Variants in NEK1 observed in about 807,000 individuals in gnomAD.
The protein encoded by NEK1 is NIMA related kinase 1.
NEK1 carries 137 observed loss-of-function variants against 182.1 expected under a neutral mutation model. That is an observed-to-expected ratio of 0.75 (90% CI 0.65 to 0.87). The LOEUF (loss-of-function observed/expected upper bound fraction) is 0.87, where lower values mean the gene tolerates loss of function less well. Ranked by LOEUF, NEK1 falls within the 40% of genes least tolerant of loss-of-function variation. The pLI, the probability that NEK1 is intolerant of heterozygous loss-of-function variation, is 0.00. For missense variants in NEK1, 1,391 were observed against 1,494.4 expected, an observed-to-expected ratio of 0.93 and a Z score of 1.14; for synonymous variants, 513 against 492.2, an observed-to-expected ratio of 1.04 and a Z score of -0.56.
At chr4:169,514,268 G>A (rs1272925814) in intron 19 of NEK1, among the ~76,000 whole-genome samples, 3 of 152,104 alleles carry the variant, frequency 2.0e-5, no homozygotes, top group African/African-American at 4.8e-5. Flanking sequence ...GATTACAGGC[G>A]TGAGCCACCG....
At chr4:169,448,819 AGC>A (rs1429591834) in intron 27 of NEK1, among the ~76,000 whole-genome samples, 1 of 152,214 alleles carries the variant, frequency 6.6e-6, no homozygotes, top group Non-Finnish European at 1.5e-5. Flanking sequence ...CAGTGGGTGC[AGC>A]CCACGGAGGG....
At chr4:169,512,886 C>T (rs1269330187) in intron 19 of NEK1, among the ~76,000 whole-genome samples, 1 of 152,058 alleles carries the variant, frequency 6.6e-6, no homozygotes, top group African/African-American at 2.4e-5. Flanking sequence ...ATGTGTTTGT[C>T]AAGAATCAGT....
intron 18 of NEK1, among the ~76,000 whole-genome samples, chr4:169,553,079 C>G (rs970910037): frequency 6.6e-6 from 1 of 152,030 alleles, no homozygotes; most frequent in African/African-American, 2.4e-5. Context: ...TATTATAAAG[C>G]TTATATGGAA....
intron 26 of NEK1, among the ~76,000 whole-genome samples, chr4:169,468,708 T>C (rs1745374632): frequency 6.6e-6 from 1 of 152,190 alleles, no homozygotes; most frequent in African/African-American, 2.4e-5. Context: ...AGCTCCTCTG[T>C]ACCTCTGGTA....
chr4:169,410,677 G>T (rs12500692), intron 31 of NEK1, among the ~76,000 whole-genome samples: 39,028 of 152,046 alleles, frequency 0.26, 5,201 homozygotes, highest in South Asian at 0.34. Context: ...AAAAATTACG[G>T]ACATTATCTA....
intron 27 of NEK1, among the ~76,000 whole-genome samples, chr4:169,448,218 C>T (rs1486173933): frequency 6.6e-6 from 1 of 151,766 alleles, no homozygotes; most frequent in Non-Finnish European, 1.5e-5. Flanking sequence ...CAGAGTGAGT[C>T]CCTGTCTCAA....
intron 23 of NEK1, among the ~76,000 whole-genome samples, chr4:169,496,606 A>G (rs1580214174): frequency 1.3e-5 from 2 of 149,256 alleles, no homozygotes; most frequent in South Asian, 2.1e-4. Flanking sequence ...GAGAGTTTTT[A>G]GCATGAAGGG....
Position 169,599,164 on chromosome 4 carries a change from C to T in NEK1, c.248G>A (p.Cys83Tyr). The change falls in exon 5 of 36, where the codon TGT becomes TAT. Residue 83 changes from cysteine to tyrosine, a missense_variant. Around this residue, in one of 5 missense-constraint regions of NEK1, gnomAD observed 116 missense variants for 114.5 expected, o/e 1.01. Transcript: ENST00000507142. ...TCGCTTAAACAGATCCCCTCCCTCACAGTAATCCATTACTATGTAGAGAGA... is the reference window on the plus strand; with the variant it reads ...TCGCTTAAACAGATCCCCTCCCTCATAGTAATCCATTACTATGTAGAGAGA... Reference protein sequence around the residue: ...NGSLYIVMDYCEGGDLFKRIN... With the variant: ...NGSLYIVMDYYEGGDLFKRIN... 6.2e-7 allele frequency: 1 copy of T among 1,613,032 alleles called. No individual in the cohort carries two copies. Among genetic ancestry groups the T allele is most frequent in the South Asian group, 1.1e-5 (1 of 91,046 alleles).
chr4:169,583,443 G>A (rs1767017920), intron 10 of NEK1, among the ~76,000 whole-genome samples: 1 of 152,192 alleles, frequency 6.6e-6, no homozygotes, highest in Non-Finnish European at 1.5e-5. Context: ...TCTAAGTGGT[G>A]CTTAAATAGT....
At chr4:169,394,577 TA>T (rs917291288) in intron 35 of NEK1, 54 bp from the exon 36 acceptor site, 13 of 1,101,684 alleles carry the variant, frequency 1.2e-5, no homozygotes, top group African/African-American at 4.9e-5. Flanking sequence ...GTATCTACTT[TA>T]AAAAAAACCC....
intron 29 of NEK1, among the ~76,000 whole-genome samples, chr4:169,429,787 A>T (rs1737086641): frequency 6.6e-6 from 1 of 152,182 alleles, no homozygotes; most frequent in Non-Finnish European, 1.5e-5. Flanking sequence ...TTCTTCCTTC[A>T]TGAATAGCCT....
intron 20 of NEK1, 24 bp from the exon 21 acceptor site, chr4:169,508,355 C>T: frequency 6.6e-7 from 1 of 1,520,830 alleles, no homozygotes; most frequent in Non-Finnish European, 8.8e-7. Context: ...AAAACCCCAA[C>T]ATAATAATGT....
intron 26 of NEK1, 72 bp downstream of exon 26, chr4:169,477,052 T>A (rs1263188573): frequency 2.0e-6 from 2 of 995,050 alleles, no homozygotes; most frequent in African/African-American, 3.3e-5. Flanking sequence ...TTCATTTTTT[T>A]CAGAGTGGTT....
At chr4:169,399,795 T>C (rs79425786) in intron 35 of NEK1, among the ~76,000 whole-genome samples, 1 of 152,058 alleles carries the variant, frequency 6.6e-6, no homozygotes, top group Non-Finnish European at 1.5e-5. Flanking sequence ...TAATTAAAAA[T>C]TTTTTTGTGT....
chr4:169,470,324 T>C (rs1241470476), intron 26 of NEK1, among the ~76,000 whole-genome samples: 1 of 152,166 alleles, frequency 6.6e-6, no homozygotes. Flanking sequence ...GCAGGCCTGG[T>C]GGTAACAAAA....
chr4:169,606,801 A>G (rs974205439), intron 2 of NEK1, among the ~76,000 whole-genome samples: 1 of 152,210 alleles, frequency 6.6e-6, no homozygotes, highest in African/African-American at 2.4e-5. Context: ...TCACCTTCCA[A>G]AACAACTTAA....
intron 29 of NEK1, among the ~76,000 whole-genome samples, chr4:169,428,469 G>A (rs1736832150): frequency 6.6e-6 from 1 of 150,790 alleles, no homozygotes; most frequent in South Asian, 2.1e-4. Flanking sequence ...AAAGAAGCCA[G>A]AAACAAAAGG....
intron 23 of NEK1, among the ~76,000 whole-genome samples, chr4:169,501,058 G>A (rs1027867494): frequency 2.0e-5 from 3 of 152,178 alleles, no homozygotes; most frequent in Non-Finnish European, 4.4e-5. Flanking sequence ...AAGGGATGGA[G>A]AAAGATCACA....
At chr4:169,436,520 T>TC (rs1213310073) in intron 28 of NEK1, among the ~76,000 whole-genome samples, 2 of 152,206 alleles carry the variant, frequency 1.3e-5, no homozygotes, top group African/African-American at 4.8e-5. Context: ...TAAGGAATTA[T>TC]CAAAGCAGAA....
Sources: gnomAD v4.1 joint callset for allele counts (sites outside exome capture counted in the v4.1 genomes callset) on GRCh38, gnomAD v4.1.1 for gene constraint, gnomAD v4.1.1 regional missense constraint, MANE v1.5 for transcripts, NCBI Gene and HGNC (gene_info 2026-07-23, HGNC 2026-07-21) for gene names.